ENPP1: variants seen among roughly 807,000 people sequenced by gnomAD.
ENPP1 encodes ectonucleotide pyrophosphatase/phosphodiesterase family member 1.
Under a neutral mutation model 122.8 loss-of-function variants are expected in ENPP1, and 73 were observed. The ratio of observed to expected loss-of-function variants is 0.59; its 90% CI spans 0.49 to 0.72. The LOEUF is 0.72. Ranked by LOEUF, ENPP1 falls within the 30% of genes least tolerant of loss-of-function variation. ENPP1 has a pLI of 0.00. For synonymous variants in ENPP1, 367 were observed against 391.6 expected (o/e 0.94, Z 0.74); for missense variants, 978 against 1,128.1 (o/e 0.87, Z 1.91).
At position 131,865,123 on chromosome 6, in the gene ENPP1, G is replaced by C. The variant is rs527699564; in HGVS notation, c.1164+185G>C. 7.9e-5 allele frequency among the ~76,000 whole-genome samples: 12 copies of C among 152,288 alleles called. 1 individual carries two copies. The East Asian group carries it at 2.3e-3, about 29-fold the overall frequency. Reference sequence around the variant, plus strand: ...AAATAAGAGTTGGGAGAATTGTTTAGCCTGTGTTTTCCACAGTGCTAAATT... The same window carrying C: ...AAATAAGAGTTGGGAGAATTGTTTACCCTGTGTTTTCCACAGTGCTAAATT... On this transcript the variant is annotated intron_variant, in intron 11 of 24. Transcript: ENST00000647893.
chr6:131,886,230 T>C (rs1243068431), intron 23 of ENPP1, among the ~76,000 whole-genome samples: 1 of 152,106 alleles, frequency 6.6e-6, no homozygotes, highest in Non-Finnish European at 1.5e-5. Context: ...TCAATAATGG[T>C]TTACACTCTT....
chr6:131,855,976 G>A (rs1000047589), intron 6 of ENPP1, among the ~76,000 whole-genome samples: 2 of 151,988 alleles, frequency 1.3e-5, no homozygotes, highest in South Asian at 4.1e-4. Context: ...TTGCTTACCA[G>A]ATTTGAGTAT....
intron 9 of ENPP1, 131 bp from the exon 10 acceptor site, chr6:131,864,375 C>A: frequency 1.5e-6 from 1 of 661,752 alleles, no homozygotes; most frequent in Non-Finnish European, 2.7e-6. Flanking sequence ...CAAATAAAAC[C>A]CTTGATTTCA....
chr6:131,834,435 T>C (rs1465752176), intron 1 of ENPP1, among the ~76,000 whole-genome samples: 1 of 152,142 alleles, frequency 6.6e-6, no homozygotes, highest in East Asian at 1.9e-4. Flanking sequence ...GCTCCTGGGC[T>C]GGTGTTACAG....
In ENPP1 at chr6:131,868,174, A is replaced by T. The variant is rs770734380; in HGVS notation, c.1273+48A>T. 2.9e-6 allele frequency: 4 copies of T among 1,381,862 alleles called. No homozygotes were observed. In the East Asian group the frequency reaches 6.9e-5, roughly 24 times the overall value. 85.6% of individuals were successfully genotyped at this position (1,381,862 alleles called of 1,614,324 possible). A position where few individuals can be genotyped will look rare whatever the true frequency, so the allele number is the denominator to read the frequency against. On this transcript the variant is annotated intron_variant, in intron 12 of 24. Transcript: ENST00000647893. ...ACTCTTCAGGATAAAGGGCTGAAGAAAGTTTACTTGATGGTTTCCCAATTT... is the reference window on the plus strand; with the variant it reads ...ACTCTTCAGGATAAAGGGCTGAAGATAGTTTACTTGATGGTTTCCCAATTT...
At chr6:131,837,848 C>G (rs998168314) in intron 1 of ENPP1, among the ~76,000 whole-genome samples, 1 of 152,110 alleles carries the variant, frequency 6.6e-6, no homozygotes, top group African/African-American at 2.4e-5. Context: ...TCTTTAGTGT[C>G]TTCTACCATG....
chr6:131,824,754 G>A (rs1052728972), intron 1 of ENPP1, among the ~76,000 whole-genome samples: 2 of 150,282 alleles, frequency 1.3e-5, no homozygotes, highest in African/African-American at 4.9e-5. Flanking sequence ...GTGCCCAGCC[G>A]GTTTTTGTTT....
intron 11 of ENPP1, among the ~76,000 whole-genome samples, chr6:131,867,580 G>T (rs898643951): frequency 6.6e-6 from 1 of 152,198 alleles, no homozygotes; most frequent in East Asian, 1.9e-4. Context: ...TGATCAGAAA[G>T]TATAAGAAGA....
chr6:131,849,897 C>T, intron 2 of ENPP1, 93 bp from the exon 3 acceptor site: 7 of 921,640 alleles, frequency 7.6e-6, no homozygotes, highest in Non-Finnish European at 1.3e-5. Context: ...AGTATTTGAA[C>T]CTAGTGTACA....
chr6:131,814,184 T>C (rs1294015289), intron 1 of ENPP1, among the ~76,000 whole-genome samples: 1 of 152,196 alleles, frequency 6.6e-6, no homozygotes, highest in Non-Finnish European at 1.5e-5. Context: ...TAGAGGCTAA[T>C]GCCTGAAATC....
rs967702665 is a variant in ENPP1, at chr6:131,874,457, T to A, written c.1635+120T>A. On this transcript the variant is annotated intron_variant, in intron 16 of 24. Coordinates refer to ENST00000647893, the MANE Select transcript of ENPP1 (RefSeq NM_006208.3). Reference sequence around the variant, plus strand: ...GAATGAGAATTAATGGAACATACTTTCATAAAGCTATTTTTCTTTGAACAT... The same window carrying A: ...GAATGAGAATTAATGGAACATACTTACATAAAGCTATTTTTCTTTGAACAT... 12 of 662,800 alleles carry A rather than the reference T, an allele frequency of 1.8e-5. No individual in the cohort carries two copies. The African/African-American group carries it at 2.0e-4, about 11-fold the overall frequency. The allele number at this position is 662,800 out of a possible 1,614,324, so 41.1% of individuals were successfully genotyped here.
Position 131,877,556 on chromosome 6 carries a change from A to G in ENPP1, c.1893+395A>G, listed in dbSNP as rs114829215. The G allele has an allele frequency of 4.8e-3, 938 of 195,062 alleles. 5 individuals are homozygous for G. Among genetic ancestry groups the G allele is most frequent in the African/African-American group, 0.021 (891 of 42,586 alleles). The allele number at this position is 195,062 out of a possible 1,614,324, so 12.1% of individuals were successfully genotyped here. On this transcript the variant is annotated intron_variant, in intron 18 of 24. Coordinates refer to ENST00000647893, the MANE Select transcript of ENPP1 (RefSeq NM_006208.3). ...CACAATGTACCTTTTTAAAAATACA[A>G]TTCAGATTGTTTAAATGTAGGGAGA...
rs763596909 is a variant in ENPP1, at chr6:131,874,337, A to G, written c.1635A>G (p.Gln545=). ...CTGACAATGTATTTTCAAATATGCA[A>G]GTGAGTAAACCTATTATACTTAATT... is the stretch of plus-strand genomic sequence containing the variant. ...HGSDNVFSNM[Q]ALFVGYGPGF... Residue 545 remains glutamine, a splice_region_variant and synonymous_variant, in exon 16 of 25, where the codon CAA becomes CAG. Transcript: ENST00000647893. 5 of 1,552,906 alleles carry G rather than the reference A, an allele frequency of 3.2e-6. No individual in the cohort carries two copies. The South Asian group carries it at 4.5e-5, about 14-fold the overall frequency.
chr6:131,862,185 C>G (rs1031958435), intron 9 of ENPP1, among the ~76,000 whole-genome samples: 1 of 149,618 alleles, frequency 6.7e-6, no homozygotes, highest in African/African-American at 2.5e-5. Flanking sequence ...ACAACAAAAA[C>G]AAAAAAAAAC....
intron 12 of ENPP1, among the ~76,000 whole-genome samples, chr6:131,868,975 T>C (rs1782123335): frequency 6.6e-6 from 1 of 152,176 alleles, no homozygotes; most frequent in African/African-American, 2.4e-5. Flanking sequence ...AGAAGTTACA[T>C]GCAAAGAAGT....
At chr6:131,878,074 T>C (rs1033906792) in intron 18 of ENPP1, among the ~76,000 whole-genome samples, 1 of 151,574 alleles carries the variant, frequency 6.6e-6, no homozygotes, top group African/African-American at 2.4e-5. Flanking sequence ...CAACTGTCAT[T>C]CCTCTCCTTC....
intron 1 of ENPP1, among the ~76,000 whole-genome samples, chr6:131,818,206 G>A (rs924035980): frequency 2.0e-5 from 3 of 151,918 alleles, no homozygotes. Context: ...CTTTTACACC[G>A]TGGTATTAAA....
chr6:131,832,637 G>C (rs936266059), intron 1 of ENPP1, among the ~76,000 whole-genome samples: 5 of 152,182 alleles, frequency 3.3e-5, no homozygotes, highest in African/African-American at 9.6e-5. Context: ...TCCACGAAAG[G>C]CTTGACTGGA....
intron 1 of ENPP1, among the ~76,000 whole-genome samples, chr6:131,810,637 A>G (rs1024078884): frequency 6.6e-6 from 1 of 152,158 alleles, no homozygotes; most frequent in African/African-American, 2.4e-5. Context: ...AGATTGAACT[A>G]ATTGCAACCT....
Sources: gnomAD v4.1 joint callset for allele counts (sites outside exome capture counted in the v4.1 genomes callset) on GRCh38, gnomAD v4.1.1 for gene constraint, MANE v1.5 for transcripts, NCBI Gene and HGNC (gene_info 2026-07-23, HGNC 2026-07-21) for gene names.